The following C4orf36 variants were observed in gnomAD, a reference collection of about 807,000 sequenced individuals.
C4orf36 encodes the protein chromosome 4 open reading frame 36.
In C4orf36, 11 loss-of-function variants were observed where a neutral mutation model predicts 12.2. The observed-to-expected ratio is 0.90, with a 90% CI of 0.57 to 1.49. The LOEUF is 1.49. Ranked by LOEUF, C4orf36 falls within the 40% of genes most tolerant of loss-of-function variation. The pLI, the probability that C4orf36 is intolerant of heterozygous loss-of-function variation, is 0.00. For synonymous variants in C4orf36, 54 were observed against 51.3 expected (o/e 1.05, Z -0.22); for missense variants, 137 against 133.9 (o/e 1.02, Z -0.11).
the C4orf36 span, among the ~76,000 whole-genome samples, chr4:86,924,165 C>T: frequency 6.6e-6 from 1 of 152,102 alleles, no homozygotes; most frequent in Non-Finnish European, 1.5e-5. Context: ...CTAAGCCTCC[C>T]AAGTATCTGT....
chr4:86,914,192 A>C, the C4orf36 span: 3 of 1,593,176 alleles, frequency 1.9e-6, no homozygotes, highest in East Asian at 6.7e-5. Flanking sequence ...ACTTCACAAA[A>C]GTAGCTGCAC....
At chr4:86,883,035 T>C (rs1747084714) in intron 4 of C4orf36, among the ~76,000 whole-genome samples, 1 of 152,202 alleles carries the variant, frequency 6.6e-6, no homozygotes. Context: ...GGACAACAGA[T>C]GGAAGCATAT....
chr4:86,881,165 T>C (rs1026928781), intron 4 of C4orf36, among the ~76,000 whole-genome samples: 1 of 152,074 alleles, frequency 6.6e-6, no homozygotes, highest in African/African-American at 2.4e-5. Context: ...AAAATAACTA[T>C]AAATTATGTT....
chr4:86,876,684 T>G (rs1746935765), intron 4 of C4orf36: 1 of 1,611,264 alleles, frequency 6.2e-7, no homozygotes, highest in Non-Finnish European at 8.5e-7. Flanking sequence ...TCTGAAATTG[T>G]ATGGTGAAGC....
At chr4:86,902,377 G>T in the C4orf36 span, among the ~76,000 whole-genome samples, 2 of 131,956 alleles carry the variant, frequency 1.5e-5, no homozygotes, top group African/African-American at 5.8e-5. Context: ...AGCTATGATC[G>T]TGCCACTGCA....
At chr4:86,922,139 T>C in the C4orf36 span, among the ~76,000 whole-genome samples, 1 of 152,214 alleles carries the variant, frequency 6.6e-6, no homozygotes, top group African/African-American at 2.4e-5. Flanking sequence ...CTAGAATGCA[T>C]TTATTTAAAA....
the C4orf36 span, among the ~76,000 whole-genome samples, chr4:86,913,059 C>T: frequency 2.0e-5 from 3 of 149,980 alleles, no homozygotes; most frequent in Non-Finnish European, 4.4e-5. Context: ...GGAATGAAGT[C>T]GCAATAAAAA....
chr4:86,915,421 C>T, the C4orf36 span, among the ~76,000 whole-genome samples: 8 of 152,192 alleles, frequency 5.3e-5, no homozygotes, highest in African/African-American at 1.4e-4. Context: ...AGAGTCATGG[C>T]AGATGTAATC....
chr4:86,909,633 T>A, the C4orf36 span, among the ~76,000 whole-genome samples: 1 of 152,190 alleles, frequency 6.6e-6, no homozygotes, highest in Non-Finnish European at 1.5e-5. Context: ...TATTAATGCT[T>A]ACTATAAGCC....
intron 4 of C4orf36, 112 bp from the exon 5 acceptor site, chr4:86,876,555 G>A: frequency 1.2e-6 from 2 of 1,613,960 alleles, no homozygotes; most frequent in Non-Finnish European, 1.7e-6. Context: ...CAGTTTACAA[G>A]GACCTTTAGC....
chr4:86,928,795 T>C, the C4orf36 span, among the ~76,000 whole-genome samples: 1 of 152,240 alleles, frequency 6.6e-6, no homozygotes, highest in Non-Finnish European at 1.5e-5. Context: ...CTTTGGGACC[T>C]GTGGATATTT....
the C4orf36 span, among the ~76,000 whole-genome samples, chr4:86,902,439 A>AAAAAAAAAAG: frequency 2.1e-5 from 3 of 140,974 alleles, no homozygotes; most frequent in African/African-American, 5.3e-5. Flanking sequence ...AAAAAAAAAA[A>AAAAAAAAAAG]AAAGAAAGAA....
At chr4:86,892,489 A>T (rs929201554), upstream of C4orf36, 1 of 979,632 alleles carries the variant, frequency 1.0e-6, no homozygotes. Flanking sequence ...CCCGCCAGGG[A>T]GGGGACGCCG....
chr4:86,888,026 G>C (rs1747244935), intron 3 of C4orf36, 95 bp downstream of exon 3: 2 of 1,534,978 alleles, frequency 1.3e-6, no homozygotes, highest in Non-Finnish European at 1.8e-6. Flanking sequence ...AAAGATAGGA[G>C]GTATGGGTGT....
chr4:86,929,157 A>G, the C4orf36 span, among the ~76,000 whole-genome samples: 1 of 151,990 alleles, frequency 6.6e-6, no homozygotes, highest in Non-Finnish European at 1.5e-5. Context: ...CTAAAACAAC[A>G]CTCATTCATT....
the C4orf36 span, among the ~76,000 whole-genome samples, chr4:86,916,493 C>T: frequency 6.0e-4 from 91 of 152,208 alleles, no homozygotes; most frequent in African/African-American, 2.2e-3. Context: ...CCTGAAGCTC[C>T]TAATCAAGAT....
intron 4 of C4orf36, among the ~76,000 whole-genome samples, chr4:86,883,655 G>T (rs971841578): frequency 1.1e-4 from 17 of 152,176 alleles, no homozygotes; most frequent in African/African-American, 3.9e-4. Flanking sequence ...GCTATGATTT[G>T]AAGAAAGGCA....
the C4orf36 span, chr4:86,935,198 G>C: frequency 6.6e-6 from 1 of 152,362 alleles, no homozygotes; most frequent in African/African-American, 2.4e-5. Context: ...CGGAGGTGAC[G>C]AGGGCGCCCG....
intron 4 of C4orf36, chr4:86,886,516 G>T (rs1261866351): frequency 2.0e-5 from 3 of 152,142 alleles, no homozygotes; most frequent in Non-Finnish European, 2.9e-5. Flanking sequence ...GAAAAAATGT[G>T]CATCATCACT....
Sources: allele counts gnomAD v4.1 joint callset (sites outside exome capture counted in the v4.1 genomes callset), GRCh38; gene constraint gnomAD v4.1.1; transcripts MANE v1.5; gene names NCBI Gene and HGNC (gene_info 2026-07-23, HGNC 2026-07-21).